The following RAB6A variants were observed in gnomAD, a reference collection of about 807,000 sequenced individuals.
The protein encoded by RAB6A is RAB6A, member RAS oncogene family, also known as ras-related protein Rab-6A.
A neutral mutation model predicts 32.3 loss-of-function variants in RAB6A; 8 were observed. That is an observed-to-expected ratio of 0.25 (90% CI 0.15 to 0.45). The LOEUF (loss-of-function observed/expected upper bound fraction) is 0.45, where lower values mean the gene tolerates loss of function less well. Among genes scored for constraint, RAB6A ranks in the 20% least tolerant of loss-of-function variants. The pLI is 1.00. For missense variants in RAB6A, 104 were observed against 249.4 expected, an observed-to-expected ratio of 0.42 and a Z score of 3.93; for synonymous variants, 73 against 82.1, an observed-to-expected ratio of 0.89 and a Z score of 0.60.
chr11:73,692,502 C>CAAAAAAAAAAA (rs34201129), intron 6 of RAB6A, among the ~76,000 whole-genome samples: 4 of 56,428 alleles, frequency 7.1e-5, no homozygotes, highest in Admixed American at 2.3e-4. Context: ...GACTCTGTCT[C>CAAAAAAAAAAA]AAAAAAAAAA....
chr11:73,746,233 A>C (rs1946586231), intron 1 of RAB6A, among the ~76,000 whole-genome samples: 1 of 152,158 alleles, frequency 6.6e-6, no homozygotes, highest in South Asian at 2.1e-4. Flanking sequence ...ATTTATAGTA[A>C]GAAATAACTT....
Position 73,738,533 on chromosome 11 carries a change from C to T in RAB6A, c.71-7710G>A, listed in dbSNP as rs114454934. ...CAAGCACAGTGGAGTAGACCTGTAG[C>T]CCCAGCTACTTGGGAGGTTGAGGCA... On this transcript the variant is annotated intron_variant, in intron 1 of 7. Transcript: ENST00000336083. 8.2e-3 allele frequency among the ~76,000 whole-genome samples: 1,253 copies of T among 152,158 alleles called. 17 individuals are homozygous for T. Among genetic ancestry groups the T allele is most frequent in the African/African-American group, 0.028 (1,170 of 41,482 alleles).
chr11:73,718,921 A>G, intron 3 of RAB6A: 1 of 1,553,808 alleles, frequency 6.4e-7, no homozygotes, highest in Non-Finnish European at 8.7e-7. Flanking sequence ...AATAAAAAAA[A>G]AAAAACCAAA....
chr11:73,711,038 A>G (rs1945950432), intron 5 of RAB6A, among the ~76,000 whole-genome samples: 1 of 152,178 alleles, frequency 6.6e-6, no homozygotes, highest in African/African-American at 2.4e-5. Flanking sequence ...CTTTCTGCTC[A>G]AAGGCATAGA....
At chr11:73,704,093 T>C (rs575810796) in intron 6 of RAB6A, 1 of 234,430 alleles carries the variant, frequency 4.3e-6, no homozygotes, top group Admixed American at 4.5e-5. Context: ...ATAAATTTAC[T>C]AAAAATCGAC....
At chr11:73,694,261 T>A (rs1945622742) in intron 6 of RAB6A, among the ~76,000 whole-genome samples, 1 of 152,208 alleles carries the variant, frequency 6.6e-6, no homozygotes, top group Non-Finnish European at 1.5e-5. Context: ...CACTGAGTAC[T>A]TACTCTGTTG....
intron 1 of RAB6A, among the ~76,000 whole-genome samples, chr11:73,747,667 G>C (rs1212876395): frequency 6.6e-6 from 1 of 152,002 alleles, no homozygotes; most frequent in Non-Finnish European, 1.5e-5. Context: ...ATCCCACATT[G>C]CATTTAGCTG....
At chr11:73,701,680 G>A (rs1945748378) in intron 6 of RAB6A, among the ~76,000 whole-genome samples, 1 of 152,102 alleles carries the variant, frequency 6.6e-6, no homozygotes, top group South Asian at 2.1e-4. Context: ...TTGAGACAGG[G>A]TCTTGCTCTA....
chr11:73,722,296 T>C (rs1946144279), intron 2 of RAB6A: 2 of 35,188 alleles, frequency 5.7e-5, no homozygotes, highest in African/African-American at 1.1e-4. Flanking sequence ...CAAATATATA[T>C]GTGTGTGTGT....
At chr11:73,718,228 T>C (rs903272904) in intron 4 of RAB6A, among the ~76,000 whole-genome samples, 3 of 152,140 alleles carry the variant, frequency 2.0e-5, no homozygotes, top group African/African-American at 7.2e-5. Flanking sequence ...ATAGCCTCAA[T>C]AGAAAGCTTG....
intron 6 of RAB6A, among the ~76,000 whole-genome samples, chr11:73,696,049 A>C (rs1480791891): frequency 1.3e-5 from 2 of 152,212 alleles, no homozygotes; most frequent in Admixed American, 6.5e-5. Flanking sequence ...TTATAGGCAG[A>C]AATACCACCC....
chr11:73,744,493 A>G (rs1478251351), intron 1 of RAB6A, among the ~76,000 whole-genome samples: 1 of 116,762 alleles, frequency 8.6e-6, no homozygotes, highest in African/African-American at 3.3e-5. Context: ...CCTGGGCAAC[A>G]GAGTGAGACC....
intron 5 of RAB6A, among the ~76,000 whole-genome samples, chr11:73,708,060 C>T (rs1945878227): frequency 6.6e-6 from 1 of 152,178 alleles, no homozygotes; most frequent in African/African-American, 2.4e-5. Flanking sequence ...CATTCCCAAA[C>T]TATTAGAATG....
chr11:73,678,204 C>T (rs948352774), intron 7 of RAB6A, among the ~76,000 whole-genome samples: 3 of 152,186 alleles, frequency 2.0e-5, no homozygotes, highest in Non-Finnish European at 4.4e-5. Context: ...TCCTAAGGAA[C>T]TTATTCTACA....
intron 7 of RAB6A, 74 bp from the exon 8 acceptor site, chr11:73,678,036 T>C: frequency 4.8e-6 from 7 of 1,468,912 alleles, no homozygotes; most frequent in Non-Finnish European, 4.8e-6. Flanking sequence ...ATTTCTGGGA[T>C]GGCCCTTATA....
intron 6 of RAB6A, among the ~76,000 whole-genome samples, chr11:73,693,494 C>T (rs1448620306): frequency 2.1e-5 from 3 of 143,356 alleles, no homozygotes; most frequent in African/African-American, 7.6e-5. Flanking sequence ...GAGGCTGAGG[C>T]GGGTGGATCA....
intron 5 of RAB6A, among the ~76,000 whole-genome samples, chr11:73,713,380 C>T (rs528979934): frequency 2.0e-5 from 3 of 152,160 alleles, no homozygotes; most frequent in Non-Finnish European, 4.4e-5. Context: ...ACCATCCTGG[C>T]TAACACGGTG....
chr11:73,678,862 A>T (rs1029036532), intron 7 of RAB6A, among the ~76,000 whole-genome samples: 1 of 150,660 alleles, frequency 6.6e-6, no homozygotes, highest in Non-Finnish European at 1.5e-5. Context: ...AGTAGCTGGG[A>T]TTACAGGCGT....
intron 1 of RAB6A, among the ~76,000 whole-genome samples, chr11:73,739,462 G>T (rs1946460946): frequency 6.7e-6 from 1 of 149,272 alleles, no homozygotes; most frequent in African/African-American, 2.5e-5. Context: ...AGCCACCAGT[G>T]CACTCAGCCT....
Sources: allele counts gnomAD v4.1 joint callset (sites outside exome capture counted in the v4.1 genomes callset), GRCh38; gene constraint gnomAD v4.1.1; transcripts MANE v1.5; gene names NCBI Gene and HGNC (gene_info 2026-07-23, HGNC 2026-07-21).